Variants in TRIM7 observed in about 807,000 individuals in gnomAD.
TRIM7 encodes the protein tripartite motif containing 7, also known as E3 ubiquitin-protein ligase TRIM7.
Under a neutral mutation model 37.9 loss-of-function variants are expected in TRIM7, and 32 were observed. That is an observed-to-expected ratio of 0.84 (90% CI 0.64 to 1.13). TRIM7 has a LOEUF of 1.13. Among genes scored for constraint, TRIM7 ranks in the 50% most tolerant of loss-of-function variants. The pLI is 0.00. For missense variants in TRIM7, 732 were observed against 714.0 expected, an observed-to-expected ratio of 1.03 and a Z score of -0.29; for synonymous variants, 351 against 321.3, an observed-to-expected ratio of 1.09 and a Z score of -0.99.
At chr5:181,198,383 G>C (rs1263977405) in intron 5 of TRIM7, 165 bp from the exon 6 acceptor site, 3 of 748,944 alleles carry the variant, frequency 4.0e-6, no homozygotes, top group South Asian at 3.3e-5. Context: ...GGGGGGCAGG[G>C]GGCCCATACC....
chr5:181,203,250 C>T (rs1757617597), intron 2 of TRIM7: 3 of 1,235,502 alleles, frequency 2.4e-6, no homozygotes. Context: ...TTCCGCAGGC[C>T]CTAACTGGTA....
chr5:181,195,816 A>G (rs1757082498), intron 6 of TRIM7, 139 bp from the exon 7 acceptor site: 5 of 1,070,586 alleles, frequency 4.7e-6, no homozygotes, highest in Admixed American at 3.5e-5. Flanking sequence ...CCAAGGCCCA[A>G]CCAACCCCCA....
At chr5:181,200,752 G>A (rs944338517) in intron 2 of TRIM7, 1 of 986,714 alleles carries the variant, frequency 1.0e-6, no homozygotes, top group African/African-American at 1.7e-5. Flanking sequence ...GCAGACTCAT[G>A]CCCTGATCTC....
chr5:181,203,510 A>G lies in TRIM7; in HGVS notation c.618+35T>C, dbSNP rs139502940. On this transcript the variant is annotated intron_variant, in intron 2 of 6. Coordinates refer to ENST00000274773, the MANE Select transcript of TRIM7 (RefSeq NM_203293.3). ...GGTGCTGAGTTCTCAGGCCTCTGTA[A>G]TGTCCCACGGGGGGCCTGCGGGTGC... 1.4e-4 allele frequency: 219 copies of G among 1,613,186 alleles called. 3 individuals are homozygous for G. In the African/African-American group the frequency reaches 2.2e-3, roughly 16 times the overall value.
rs919663128 is a variant in TRIM7 at position 181,195,746 on chromosome 5, G to T, written c.1025-69C>A. 4 of 1,490,076 alleles carry T rather than the reference G, an allele frequency of 2.7e-6. No homozygotes were observed. The Admixed American group carries it at 7.2e-5, about 27-fold the overall frequency. 92.3% of individuals were successfully genotyped at this position (1,490,076 alleles called of 1,614,324 possible). On this transcript the variant is annotated intron_variant, in intron 6 of 6. Transcript: ENST00000274773. ...CCTGGCACAGTCTTTGCAGGGCCGC[G>T]CCCGACCTTGCTTTGCAACCTGCCT...
Position 181,204,888 on chromosome 5 carries a change from G to A in TRIM7, c.223C>T (p.Pro75Ser). The part of the protein sequence containing the change: ...VGAATRAPPF[P>S]LPCPQCREPA... ...TCGCGGCACTGCGGACAGGGCAGTG[G>A]GAAGGGGGGCGCGCGGGTGGCGGCC... Residue 75 changes from proline (P) to serine (S), a missense_variant, in exon 1 of 7, where the codon CCA (proline) becomes TCA (serine). By Grantham distance (74) the Pro-to-Ser change is moderately conservative (BLOSUM62 -1). Transcript: ENST00000274773. 1 of 1,369,760 alleles carries A rather than the reference G, an allele frequency of 7.3e-7. No homozygotes were observed. Among genetic ancestry groups the A allele is most frequent in the South Asian group, 1.7e-5 (1 of 58,148 alleles). 84.9% of individuals were successfully genotyped at this position (1,369,760 alleles called of 1,614,324 possible).
rs745457733 is a variant in TRIM7 at position 181,199,935 on chromosome 5, C to G, written c.765G>C (p.Gln255His). 5 of 1,614,266 alleles carry G rather than the reference C, an allele frequency of 3.1e-6. No individual in the cohort carries two copies. Among genetic ancestry groups the G allele is most frequent in the Non-Finnish European group, 4.2e-6 (5 of 1,180,052 alleles). Residue 255 changes from glutamine (Q) to histidine (H), a missense_variant, in exon 3 of 7, where the codon CAG becomes CAC. Physicochemically the swap from Gln to His is conservative, Grantham distance 24. Coordinates refer to ENST00000274773, the MANE Select transcript of TRIM7 (RefSeq NM_203293.3). The stretch of plus-strand genomic sequence containing the variant: ...ACAGCTGGGTGATCTCAACCCCGAG[C>G]TGGGCCAGGTTCTCATTCTGCTTCT... ...VAQKQNENLA[Q>H]LGVEITQLSK...
At chr5:181,203,509 A>G (rs1294026149) in intron 2 of TRIM7, 36 bp downstream of exon 2, 7 of 1,613,104 alleles carry the variant, frequency 4.3e-6, no homozygotes, top group Non-Finnish European at 5.9e-6. Flanking sequence ...AGGCCTCTGT[A>G]ATGTCCCACG....
intron 6 of TRIM7, 42 bp downstream of exon 6, chr5:181,198,141 G>T: frequency 6.2e-7 from 1 of 1,610,810 alleles, no homozygotes; most frequent in Non-Finnish European, 8.5e-7. Flanking sequence ...GGATCTCTGT[G>T]TGGCAGACAG....
intron 3 of TRIM7, 124 bp from the exon 4 acceptor site, chr5:181,199,241 T>A: frequency 8.7e-7 from 1 of 1,153,612 alleles, no homozygotes; most frequent in Non-Finnish European, 1.3e-6. Flanking sequence ...CACGCCTCAC[T>A]GCCTGCGTGG....
At chr5:181,198,275 A>C in intron 5 of TRIM7, 57 bp from the exon 6 acceptor site, 1 of 1,565,606 alleles carries the variant, frequency 6.4e-7, no homozygotes, top group South Asian at 1.1e-5. Flanking sequence ...TTATATGGCA[A>C]GGTCACCAGC....
chr5:181,194,497 G>T lies in TRIM7; in HGVS notation c.*669C>A, dbSNP rs551014090. 2 of 152,398 alleles carry T rather than the reference G, an allele frequency of 1.3e-5. No individual in the cohort carries two copies. The highest frequency in any genetic ancestry group is 6.5e-5 in the Admixed American group (1 of 15,292). 9.4% of individuals were successfully genotyped at this position (152,398 alleles called of 1,614,324 possible). A position where few individuals can be genotyped will look rare whatever the true frequency, so the allele number is the denominator to read the frequency against. On this transcript the variant is annotated 3_prime_UTR_variant, in exon 7 of 7. Coordinates refer to ENST00000274773, the MANE Select transcript of TRIM7 (RefSeq NM_203293.3). ...CAGGGGTTTGTGAGAGCACGTGTTG[G>T]TTGTCGCATTGGTCAGGATGCACCC...
Position 181,200,899 on chromosome 5 carries a change from C to T in TRIM7, c.619-818G>A, listed in dbSNP as rs570995097. 5.6e-5 allele frequency: 55 copies of T among 985,538 alleles called. 1 individual carries two copies. The South Asian group carries it at 2.2e-3, about 39-fold the overall frequency. 61.0% of individuals were successfully genotyped at this position (985,538 alleles called of 1,614,324 possible). On this transcript the variant is annotated intron_variant, in intron 2 of 6. Coordinates refer to ENST00000274773, the MANE Select transcript of TRIM7 (RefSeq NM_203293.3). The stretch of plus-strand genomic sequence containing the variant: ...GGTTCAAGGTGTCCTACAATGCCCC[C>T]ACCTTTCCTTCAGCTTCCAGGCAGG...
Position 181,195,129 on chromosome 5 carries a change from CG to C in TRIM7, c.*36del, listed in dbSNP as rs1561643560. On this transcript the variant is annotated 3_prime_UTR_variant, in exon 7 of 7. Transcript: ENST00000274773. Reference sequence around the variant, plus strand: ...CTGGGGAGGCGACATCCCCTCCCACCGGCAGCCCAGAGACAGGAGCTCCCCA... The same window carrying C: ...CTGGGGAGGCGACATCCCCTCCCACCGCAGCCCAGAGACAGGAGCTCCCCA... 1 of 1,553,924 alleles carries C rather than the reference CG, an allele frequency of 6.4e-7. No homozygotes were observed. Among genetic ancestry groups the C allele is most frequent in the Admixed American group, 1.8e-5 (1 of 54,208 alleles).
At chr5:181,204,330 G>A (rs1461987275) in intron 1 of TRIM7, 60 of 1,197,942 alleles carry the variant, frequency 5.0e-5, no homozygotes, top group Non-Finnish European at 5.7e-5. Context: ...GTCCGTGGGG[G>A]ACGTCGCGCA....
chr5:181,199,423 C>T (rs542748290), intron 3 of TRIM7: 1 of 520,706 alleles, frequency 1.9e-6, no homozygotes, highest in South Asian at 2.1e-5. Context: ...CTGCGTGTGT[C>T]CTGGAAACCA....
At chr5:181,199,256 CAG>C in intron 3 of TRIM7, 139 bp from the exon 4 acceptor site, 1 of 923,758 alleles carries the variant, frequency 1.1e-6, no homozygotes, top group South Asian at 1.4e-5. Context: ...GCGTGGGCCT[CAG>C]GGGCAGCAGC....
Position 181,195,070 on chromosome 5 carries a change from C to A in TRIM7, c.*96G>T, listed in dbSNP as rs1391820604. ...TCTCTTGGGCAGCAGGGGTCAGGAG[C>A]ACGGAGGGCAGACCCAAGACGGACC... On this transcript the variant is annotated 3_prime_UTR_variant, in exon 7 of 7. Coordinates refer to ENST00000274773, the MANE Select transcript of TRIM7 (RefSeq NM_203293.3). 6.9e-7 allele frequency: 1 copy of A among 1,446,656 alleles called. No individual in the cohort carries two copies. The highest frequency in any genetic ancestry group is 9.3e-7 in the Non-Finnish European group (1 of 1,072,070). The allele number at this position is 1,446,656 out of a possible 1,614,324, so 89.6% of individuals were successfully genotyped here. A position where few individuals can be genotyped will look rare whatever the true frequency, so the allele number is the denominator to read the frequency against.
Position 181,199,923 on chromosome 5 carries a change from C to G in TRIM7, c.777G>C (p.Glu259Asp). 5 of 1,614,258 alleles carry G rather than the reference C, an allele frequency of 3.1e-6. No homozygotes were observed. The highest frequency in any genetic ancestry group is 4.2e-6 in the Non-Finnish European group (5 of 1,180,048). Residue 259 changes from glutamate (E) to aspartate (D), a missense_variant, in exon 3 of 7, where the codon GAG becomes GAC. Coordinates refer to ENST00000274773, the MANE Select transcript of TRIM7 (RefSeq NM_203293.3). ...QNENLAQLGVEITQLSKLSSQ... is the reference protein window; with the variant it reads ...QNENLAQLGVDITQLSKLSSQ... ...TGCTGAGCTTGGACAGCTGGGTGAT[C>G]TCAACCCCGAGCTGGGCCAGGTTCT...
Sources: gnomAD v4.1 joint callset for allele counts on GRCh38, gnomAD v4.1.1 for gene constraint, MANE v1.5 for transcripts, NCBI Gene and HGNC (gene_info 2026-07-23, HGNC 2026-07-21) for gene names.